Variants in HAPLN4 observed in about 807,000 individuals in gnomAD.
The protein encoded by HAPLN4 is hyaluronan and proteoglycan link protein 4.
In HAPLN4, 19 loss-of-function variants were observed where a neutral mutation model predicts 28.0. The observed-to-expected ratio is 0.68, with a 90% confidence interval of 0.47 to 1.00. The LOEUF (loss-of-function observed/expected upper bound fraction) is 1.00, where lower values mean the gene tolerates loss of function less well. Among genes scored for constraint, HAPLN4 ranks in the 50% least tolerant of loss-of-function variants. The pLI, the probability that HAPLN4 is intolerant of heterozygous loss-of-function variation, is 0.00. For synonymous variants in HAPLN4, 274 were observed against 273.0 expected, an observed-to-expected ratio of 1.00 and a Z score of -0.03; for missense variants, 587 against 602.6, an observed-to-expected ratio of 0.97 and a Z score of 0.27.
chr19:19,261,873 G>A (rs918348384), intron 1 of HAPLN4, among the ~76,000 whole-genome samples: 3 of 152,078 alleles, frequency 2.0e-5, no homozygotes, highest in East Asian at 1.9e-4. Context: ...CCGGGGATAG[G>A]GGGGTGGGGA....
At chr19:19,260,149 C>T (rs1398793551) in intron 3 of HAPLN4, among the ~76,000 whole-genome samples, 1 of 152,214 alleles carries the variant, frequency 6.6e-6, no homozygotes, top group Non-Finnish European at 1.5e-5. Context: ...AATCCTATCC[C>T]AGGACTTCTC....
intron 1 of HAPLN4, among the ~76,000 whole-genome samples, chr19:19,262,446 G>A (rs1260450611): frequency 6.6e-6 from 1 of 151,572 alleles, no homozygotes; most frequent in Non-Finnish European, 1.5e-5. Flanking sequence ...GAGTGCCAGA[G>A]GCAGAGAGAC....
intron 2 of HAPLN4, 40 bp from the exon 3 acceptor site, chr19:19,261,215 G>T: frequency 1.3e-6 from 2 of 1,559,476 alleles, no homozygotes; most frequent in Non-Finnish European, 8.7e-7. Flanking sequence ...GGGGCCTAGG[G>T]GCAGAAGGGG....
rs180898455 is a variant in HAPLN4 at position 19,262,131 on chromosome 19, G to A, written c.4-568C>T. Among the ~76,000 whole-genome samples the A allele has an allele frequency of 1.1e-4, 16 of 151,910 alleles. No individual in the cohort carries two copies. In the East Asian group the frequency reaches 2.9e-3, roughly 28 times the overall value. On this transcript the variant is annotated intron_variant, in intron 1 of 4. Transcript: ENST00000291481. ...ATGGAAAAGAAGAGACAGATGTAGA[G>A]GGAGAGACAGAGATGGAGAGGGAGA...
At chr19:19,262,622 G>A in intron 1 of HAPLN4, 108 bp downstream of exon 1, 1 of 1,289,412 alleles carries the variant, frequency 7.8e-7, no homozygotes, top group African/African-American at 1.4e-5. Flanking sequence ...CAGAGAAAAG[G>A]AAGAGACAGA....
rs377507546 is a variant in HAPLN4, at chr19:19,259,998, T to C, written c.484+815A>G. 3.6e-4 allele frequency among the ~76,000 whole-genome samples: 55 copies of C among 152,248 alleles called. No homozygotes were observed. The East Asian group carries it at 0.01, about 29-fold the overall frequency. The stretch of plus-strand genomic sequence containing the variant: ...CTAGCTGCTGCTCCTAGGAAATCAG[T>C]TGCTAAGCAGGGAAGTGAAAGCCTA... On this transcript the variant is annotated intron_variant, in intron 3 of 4. Transcript: ENST00000291481.
rs2146568679 is a variant in HAPLN4, at chr19:19,257,715, A to C, written c.*102T>G. 7.8e-7 allele frequency: 1 copy of C among 1,275,006 alleles called. No homozygotes were observed. Among genetic ancestry groups the C allele is most frequent in the Non-Finnish European group, 1.0e-6 (1 of 992,216 alleles). 79.0% of individuals were successfully genotyped at this position (1,275,006 alleles called of 1,614,324 possible). A position where few individuals can be genotyped will look rare whatever the true frequency, so the allele number is the denominator to read the frequency against. On this transcript the variant is annotated 3_prime_UTR_variant, in exon 5 of 5. Coordinates refer to ENST00000291481, the MANE Select transcript of HAPLN4 (RefSeq NM_023002.3). ...GTTAGTTTGTAAGGGACCACAGGGA[A>C]TGTGGCCAGTGTCCAGGGCTTCAAG...
In HAPLN4 at chr19:19,258,797, C is replaced by T. The variant is rs774228624; in HGVS notation, c.543G>A (p.Ala181=). The T allele has an allele frequency of 1.9e-6, 3 of 1,595,460 alleles. No individual in the cohort carries two copies. The highest frequency in any genetic ancestry group is 1.7e-5 in the Admixed American group (1 of 57,802). Reference sequence around the variant, plus strand: ...CGTCCTGCTCGGCGCACGCGCGCTGCGCCTCCGCGAAGGTCAGCTTGTATC... The same window carrying T: ...CGTCCTGCTCGGCGCACGCGCGCTGTGCCTCCGCGAAGGTCAGCTTGTATC... ...GGRYKLTFAE[A]QRACAEQDGI... The change falls in exon 4 of 5, where the codon GCG becomes GCA. Residue 181 remains alanine (A), a synonymous_variant. Transcript: ENST00000291481. This position sits in a 1 kb window ranked among gnomAD's most constrained non-coding sequence, Gnocchi z 6.2.
chr19:19,259,629 G>A (rs1016248132), intron 3 of HAPLN4, among the ~76,000 whole-genome samples: 1 of 152,132 alleles, frequency 6.6e-6, no homozygotes, highest in African/African-American at 2.4e-5. Context: ...GCTGGTAATA[G>A]CTGTCTCCCT....
Position 19,258,355 on chromosome 19 carries a change from C to T in HAPLN4, c.818-147G>A. ...CAGTTCCTCCTTTGCAGCCTGGGACCCCAGCCTAGGCCCAACCAGCGTTGG... is the reference window on the plus strand; with the variant it reads ...CAGTTCCTCCTTTGCAGCCTGGGACTCCAGCCTAGGCCCAACCAGCGTTGG... On this transcript the variant is annotated intron_variant, in intron 4 of 4. Coordinates refer to ENST00000291481, the MANE Select transcript of HAPLN4 (RefSeq NM_023002.3). This position sits in a 1 kb window ranked among gnomAD's most constrained non-coding sequence, Gnocchi z 6.2. 1 of 1,169,768 alleles carries T rather than the reference C, an allele frequency of 8.5e-7. No homozygotes were observed. The highest frequency in any genetic ancestry group is 2.7e-5 in the Admixed American group (1 of 37,556). The allele number at this position is 1,169,768 out of a possible 1,614,324, so 72.5% of individuals were successfully genotyped here.
At chr19:19,262,303 G>A (rs2060986726) in intron 1 of HAPLN4, among the ~76,000 whole-genome samples, 1 of 151,308 alleles carries the variant, frequency 6.6e-6, no homozygotes, top group Non-Finnish European at 1.5e-5. Flanking sequence ...CAGAGATGGA[G>A]AGGGAGAGAC....
chr19:19,259,913 G>A (rs2060977739), intron 3 of HAPLN4, among the ~76,000 whole-genome samples: 1 of 152,164 alleles, frequency 6.6e-6, no homozygotes, highest in Non-Finnish European at 1.5e-5. Flanking sequence ...CAGCTACAGT[G>A]ATTGGCTCAC....
Position 19,255,684 on chromosome 19 carries a change from C to T in HAPLN4, c.*2133G>A, listed in dbSNP as rs949648119. ...GAAACAAGGATTTATTGAGCCCCTA[C>T]TGTATGCTTGGCACTCACGGGGACC... is the stretch of plus-strand genomic sequence containing the variant. On this transcript the variant is annotated 3_prime_UTR_variant, in exon 5 of 5. Coordinates refer to ENST00000291481, the MANE Select transcript of HAPLN4 (RefSeq NM_023002.3). The T allele has an allele frequency of 6.6e-6, 1 of 152,280 alleles. No homozygotes were observed. Among genetic ancestry groups the T allele is most frequent in the South Asian group, 2.1e-4 (1 of 4,832 alleles). 9.4% of individuals were successfully genotyped at this position (152,280 alleles called of 1,614,324 possible). A position where few individuals can be genotyped will look rare whatever the true frequency, so the allele number is the denominator to read the frequency against.
Position 19,258,566 on chromosome 19 carries a change from G to A in HAPLN4, c.774C>T (p.Ala258=), listed in dbSNP as rs781137725. ...GLRNYGYRHN[A]EERYDAFCFT... is the part of the protein sequence containing the mutation. ...AGCAGAAGGCGTCGTAGCGTTCCTC[G>A]GCGTTATGGCGATACCCGTAGTTGC... Residue 258 remains alanine, a synonymous_variant, in exon 4 of 5, where the codon GCC becomes GCT. Coordinates refer to ENST00000291481, the MANE Select transcript of HAPLN4 (RefSeq NM_023002.3). The surrounding 1 kb of genome is among the most constrained non-coding windows in gnomAD (Gnocchi z 6.2). 6.2e-7 allele frequency: 1 copy of A among 1,613,714 alleles called. No homozygotes were observed. The highest frequency in any genetic ancestry group is 8.5e-7 in the Non-Finnish European group (1 of 1,179,876).
In HAPLN4 at chr19:19,258,643, G is replaced by C; in HGVS notation, c.697C>G (p.Leu233Val). The part of the protein sequence containing the change: ...VNRPREPCGG[L>V]GGTGSAGGGG... ...CCCCCTGCACTCCCGGTCCCCCCCAGGCCGCCGCAGGGCTCCCGGGGCCGG... is the reference window on the plus strand; with the variant it reads ...CCCCCTGCACTCCCGGTCCCCCCCACGCCGCCGCAGGGCTCCCGGGGCCGG... Residue 233 changes from leucine (L) to valine (V), a missense_variant, in exon 4 of 5, where the codon CTG becomes GTG. Transcript: ENST00000291481. This position sits in a 1 kb window ranked among gnomAD's most constrained non-coding sequence, Gnocchi z 6.2. 1 of 1,611,588 alleles carries C rather than the reference G, an allele frequency of 6.2e-7. No homozygotes were observed. The highest frequency in any genetic ancestry group is 8.5e-7 in the Non-Finnish European group (1 of 1,178,928).
At chr19:19,262,672 T>A (rs956720277) in intron 1 of HAPLN4, 58 bp downstream of exon 1, 3 of 1,588,312 alleles carry the variant, frequency 1.9e-6, no homozygotes, top group Non-Finnish European at 2.6e-6. Flanking sequence ...CAGAGAGATA[T>A]AGAATCCAAG....
intron 2 of HAPLN4, 46 bp from the exon 3 acceptor site, chr19:19,261,221 A>C: frequency 6.6e-7 from 1 of 1,504,098 alleles, no homozygotes; most frequent in Non-Finnish European, 8.9e-7. Flanking sequence ...TAGGGGCAGA[A>C]GGGGGCCTCT....
chr19:19,259,314 G>C (rs913493060), intron 3 of HAPLN4, among the ~76,000 whole-genome samples: 4 of 152,110 alleles, frequency 2.6e-5, no homozygotes, highest in Non-Finnish European at 5.9e-5. Context: ...ATTGGCCCTA[G>C]GTGAAGACCC....
At chr19:19,260,676 A>G in intron 3 of HAPLN4, 137 bp downstream of exon 3, 5 of 1,048,506 alleles carry the variant, frequency 4.8e-6, no homozygotes, top group Non-Finnish European at 6.9e-6. Flanking sequence ...AAAATCACCC[A>G]GAACCAGATA....
Sources: allele counts gnomAD v4.1 joint callset (sites outside exome capture counted in the v4.1 genomes callset), GRCh38; gene constraint gnomAD v4.1.1; non-coding constraint Gnocchi (gnomAD v3.1); transcripts MANE v1.5; gene names NCBI Gene and HGNC (gene_info 2026-07-23, HGNC 2026-07-21).